The following CCDC77 variants were observed in gnomAD, a reference collection of about 807,000 sequenced individuals.
CCDC77 encodes the protein coiled-coil domain containing 77.
CCDC77 carries 56 observed loss-of-function variants against 66.8 expected under a neutral mutation model. The observed-to-expected ratio is 0.84, with a 90% CI of 0.68 to 1.05. The LOEUF (loss-of-function observed/expected upper bound fraction) is 1.05, where lower values mean the gene tolerates loss of function less well. Ranked by LOEUF, CCDC77 falls within the 50% of genes least tolerant of loss-of-function variation. CCDC77 has a pLI of 0.00. For missense variants in CCDC77, 570 were observed against 576.8 expected (o/e 0.99, Z 0.12); for synonymous variants, 196 against 195.2 (o/e 1.00, Z -0.03).
At chr12:396,796 G>C (rs371464925), upstream of CCDC77, among the ~76,000 whole-genome samples, 4 of 152,342 alleles carry the variant, frequency 2.6e-5, no homozygotes, top group South Asian at 4.1e-4. Flanking sequence ...TCTTCTAATA[G>C]AGACAAATGG....
chr12:427,974 G>T (rs1945566447), intron 5 of CCDC77, among the ~76,000 whole-genome samples: 1 of 152,146 alleles, frequency 6.6e-6, no homozygotes, highest in Middle Eastern at 3.2e-3. Context: ...TGGCTCTTCA[G>T]AGATATCCTG....
At chr12:419,241 C>CT (rs1309557258) in intron 5 of CCDC77, among the ~76,000 whole-genome samples, 2 of 152,184 alleles carry the variant, frequency 1.3e-5, no homozygotes, top group Non-Finnish European at 2.9e-5. Context: ...CAGCAAAGGA[C>CT]TGAGAATTTT....
At chr12:431,753 T>C in intron 7 of CCDC77, 113 bp from the exon 8 acceptor site, 2 of 651,014 alleles carry the variant, frequency 3.1e-6, no homozygotes, top group African/African-American at 1.8e-5. Flanking sequence ...ACCCCTTCAT[T>C]ACCCTTACAG....
intron 1 of CCDC77, among the ~76,000 whole-genome samples, chr12:392,717 C>T (rs1162043423): frequency 2.0e-5 from 3 of 151,618 alleles, no homozygotes; most frequent in African/African-American, 7.3e-5. Flanking sequence ...TGTACTCCAG[C>T]CTGGGCAACA....
chr12:412,046 TGC>T (rs1228966929), intron 4 of CCDC77, 68 bp downstream of exon 4: 1 of 1,127,046 alleles, frequency 8.9e-7, no homozygotes, highest in Non-Finnish European at 1.3e-6. Context: ...GCCCTACAAG[TGC>T]CAGTTTATAT....
At chr12:406,729 C>G (rs1261938265) in intron 2 of CCDC77, among the ~76,000 whole-genome samples, 1 of 152,026 alleles carries the variant, frequency 6.6e-6, no homozygotes, top group Admixed American at 6.6e-5. Flanking sequence ...GGTGGATCAC[C>G]TGAGGTCAGG....
At chr12:423,105 CTTT>C (rs59818456) in intron 5 of CCDC77, among the ~76,000 whole-genome samples, 38,222 of 120,896 alleles carry the variant, frequency 0.32, 7,526 homozygotes, top group Non-Finnish European at 0.46. Flanking sequence ...TTTTTTTTTT[CTTT>C]TAAGCCTTTT....
chr12:404,311 C>CTT (rs769458258), intron 1 of CCDC77, among the ~76,000 whole-genome samples: 2 of 152,176 alleles, frequency 1.3e-5, no homozygotes, highest in Non-Finnish European at 2.9e-5. Flanking sequence ...GAGTGAGACT[C>CTT]TGTCTCAAAA....
chr12:437,485 A>C (rs1004782912), intron 9 of CCDC77, among the ~76,000 whole-genome samples: 2 of 151,508 alleles, frequency 1.3e-5, no homozygotes, highest in African/African-American at 4.8e-5. Context: ...GGAGTTTCAG[A>C]GAATGGAGGA....
chr12:418,323 AAAAC>A lies in CCDC77; in HGVS notation c.271-162_271-159del, dbSNP rs200437860. On this transcript the variant is annotated intron_variant, in intron 4 of 12. Transcript: ENST00000239830. ...GCAAGACTTGGTCTCAATAAATAAA[AAAAC>A]AAACAAACTCCAGTCTATACATGCC... 3.1e-3 allele frequency among the ~76,000 whole-genome samples: 467 copies of A among 152,316 alleles called. 12 individuals are homozygous for A. The East Asian group carries it at 0.066, about 22-fold the overall frequency.
rs12582453 is a variant in CCDC77, at chr12:411,206, G to A, written c.39-541G>A. ...TTTTTTTTTTTTGAGATAGAGTCTC[G>A]CTCTGTCGCCAGGCTGGAGTGCAAT... On this transcript the variant is annotated intron_variant, in intron 3 of 12. Transcript: ENST00000239830. Among the ~76,000 whole-genome samples, 379 of 150,142 alleles carry A rather than the reference G, an allele frequency of 2.5e-3. 12 individuals are homozygous for A. The East Asian group carries it at 0.058, about 23-fold the overall frequency.
chr12:393,564 G>A (rs907500787), intron 1 of CCDC77, among the ~76,000 whole-genome samples: 14 of 147,846 alleles, frequency 9.5e-5, no homozygotes, highest in Admixed American at 8.1e-4. Flanking sequence ...ACAGAGTCTC[G>A]CCCTTCCCCC....
At chr12:434,003 C>T (rs1201890887) in intron 9 of CCDC77, among the ~76,000 whole-genome samples, 1 of 151,978 alleles carries the variant, frequency 6.6e-6, no homozygotes, top group African/African-American at 2.4e-5. Context: ...ACATACTGTA[C>T]GATCTCAAGC....
chr12:394,277 G>A (rs966650264), intron 1 of CCDC77, among the ~76,000 whole-genome samples: 1 of 152,158 alleles, frequency 6.6e-6, no homozygotes, highest in East Asian at 1.9e-4. Context: ...AACTGAGTGC[G>A]TTATGTGTTC....
At chr12:393,995 A>T (rs919127293) in intron 1 of CCDC77, among the ~76,000 whole-genome samples, 49 of 152,336 alleles carry the variant, frequency 3.2e-4, no homozygotes, top group African/African-American at 1.2e-3. Context: ...CCATCAATTT[A>T]TCAGGCAATT....
chr12:439,612 C>G (rs1945824270), intron 10 of CCDC77, among the ~76,000 whole-genome samples: 1 of 150,712 alleles, frequency 6.6e-6, no homozygotes, highest in Non-Finnish European at 1.5e-5. Context: ...AACCCTGTCT[C>G]TACCAAAAAT....
At position 416,377 on chromosome 12, in the gene CCDC77, GTATATATATATATATATA is replaced by G. The variant is rs1167006549; in HGVS notation, c.271-2095_271-2078del. Reference sequence around the variant, plus strand: ...TGTGTGTGTGTGTGTGTGTGTGTGTGTATATATATATATATATATATATATATATATATATATATTTCT... The same window carrying G: ...TGTGTGTGTGTGTGTGTGTGTGTGTGTATATATATATATATATATATTTCT... On this transcript the variant is annotated intron_variant, in intron 4 of 12. Transcript: ENST00000239830. Among the ~76,000 whole-genome samples, 107 of 20,590 alleles carry G rather than the reference GTATATATATATATATATA, an allele frequency of 5.2e-3. 4 individuals are homozygous for G. Among genetic ancestry groups the G allele is most frequent in the African/African-American group, 0.014 (94 of 6,696 alleles). 13.5% of individuals were successfully genotyped at this position (20,590 alleles called of 152,430 possible).
Position 415,457 on chromosome 12 carries a change from TA to T in CCDC77, c.271-3035del, listed in dbSNP as rs1042664490. On this transcript the variant is annotated intron_variant, in intron 4 of 12. Coordinates refer to ENST00000239830, the MANE Select transcript of CCDC77 (RefSeq NM_032358.4). ...ACATAATAATATGTTAATATTAACA[TA>T]ATTATTAACATAATAATATGTTGAT... is the stretch of plus-strand genomic sequence containing the variant. Among the ~76,000 whole-genome samples the T allele has an allele frequency of 5.6e-5, 7 of 126,036 alleles. 1 individual carries two copies. The highest frequency in any genetic ancestry group is 9.4e-5 in the Non-Finnish European group (5 of 52,970). The allele number at this position is 126,036 out of a possible 152,430, so 82.7% of individuals were successfully genotyped here.
At chr12:432,029 C>A in intron 8 of CCDC77, 75 bp downstream of exon 8, 1 of 834,576 alleles carries the variant, frequency 1.2e-6, no homozygotes, top group Non-Finnish European at 2.0e-6. Flanking sequence ...CCCTCAGTGT[C>A]ATGTGATAAG....
Sources: allele counts gnomAD v4.1 joint callset (sites outside exome capture counted in the v4.1 genomes callset), GRCh38; gene constraint gnomAD v4.1.1; transcripts MANE v1.5; gene names NCBI Gene and HGNC (gene_info 2026-07-23, HGNC 2026-07-21).